Variants in CLCN2 observed in about 807,000 individuals in gnomAD.
The protein encoded by CLCN2 is chloride channel protein 2.
A neutral mutation model predicts 108.3 loss-of-function variants in CLCN2; 72 were observed. The observed-to-expected ratio is 0.66, with a 90% confidence interval of 0.55 to 0.81. The LOEUF (loss-of-function observed/expected upper bound fraction) is 0.81. Ranked by LOEUF, CLCN2 falls within the 30% of genes least tolerant of loss-of-function variation. CLCN2 has a pLI of 0.00. For synonymous variants in CLCN2, 471 were observed against 467.1 expected (o/e 1.01, Z -0.11); for missense variants, 1,048 against 1,205.2 (o/e 0.87, Z 1.93).
chr3:184,355,180 T>C lies in CLCN2; in HGVS notation c.1326+194A>G. ...TGGAAGCAGATGGCTTGGGTTCAGA[T>C]CATCGCTCTGCCCTCTAGCTGTGTG... On this transcript the variant is annotated intron_variant, in intron 12 of 23. Transcript: ENST00000265593. The surrounding 1 kb of genome is among the most constrained non-coding windows in gnomAD (Gnocchi z 6.3). 1 of 792,478 alleles carries C rather than the reference T, an allele frequency of 1.3e-6. No homozygotes were observed. Among genetic ancestry groups the C allele is most frequent in the Non-Finnish European group, 2.2e-6 (1 of 464,252 alleles). 49.1% of individuals were successfully genotyped at this position (792,478 alleles called of 1,614,324 possible).
intron 22 of CLCN2, chr3:184,349,159 C>CTA (rs1727913327): frequency 6.6e-6 from 1 of 152,180 alleles, no homozygotes; most frequent in Admixed American, 6.5e-5. Context: ...GCTCTTCTCT[C>CTA]ATTACAGTAT....
At chr3:184,352,590 G>T in intron 19 of CLCN2, 94 bp from the exon 20 acceptor site, 1 of 1,462,286 alleles carries the variant, frequency 6.8e-7, no homozygotes, top group Non-Finnish European at 9.5e-7. Context: ...AGGGGAAAGG[G>T]CACGCCACAG....
chr3:184,361,577 C>G lies in CLCN2; in HGVS notation c.-98G>C, dbSNP rs1712134245. The G allele has an allele frequency of 7.2e-7, 1 of 1,395,494 alleles. No individual in the cohort carries two copies. Among genetic ancestry groups the G allele is most frequent in the South Asian group, 1.2e-5 (1 of 82,962 alleles). The allele number at this position is 1,395,494 out of a possible 1,614,324, so 86.4% of individuals were successfully genotyped here. A position where few individuals can be genotyped will look rare whatever the true frequency, so the allele number is the denominator to read the frequency against. On this transcript the variant is annotated 5_prime_UTR_variant, in exon 1 of 24. Coordinates refer to ENST00000265593, the MANE Select transcript of CLCN2 (RefSeq NM_004366.6). The surrounding 1 kb of genome is among the most constrained non-coding windows in gnomAD (Gnocchi z 6.6). ...TCCGCGCCGGCAGCCGTCCCGTCCC[C>G]GCAGCCCGGGAGGCCGAGAGCAGAG... is the stretch of plus-strand genomic sequence containing the variant.
chr3:184,346,599 G>A lies in CLCN2; in HGVS notation c.*7C>T, dbSNP rs373901250. The A allele has an allele frequency of 3.0e-4, 481 of 1,613,832 alleles. 15 individuals carry two copies. The South Asian group carries it at 4.8e-3, about 16-fold the overall frequency. On this transcript the variant is annotated 3_prime_UTR_variant, in exon 24 of 24. Transcript: ENST00000265593. This position sits in a 1 kb window ranked among gnomAD's most constrained non-coding sequence, Gnocchi z 6.0. ...GCTAGCACCATCCTAGGCCACCCAC[G>A]AGGGGCTCATTGGCATTTGTCGTCG...
rs764567085 is a variant in CLCN2, at chr3:184,357,007, G to A, written c.1071C>T (p.Arg357=). ...QVMRKQKTIN[R]FLMRKRLLFP... ...GAGCCACTCACTTCCTCATGAGGAA[G>A]CGATTGATGGTTTTCTGCTTCCGCA... The change falls in exon 10 of 24, where the codon CGC becomes CGT. Residue 357 remains arginine (R), a synonymous_variant. Coordinates refer to ENST00000265593, the MANE Select transcript of CLCN2 (RefSeq NM_004366.6). 1.1e-5 allele frequency: 17 copies of A among 1,613,130 alleles called. No individual in the cohort carries two copies. The highest frequency in any genetic ancestry group is 1.8e-4 in the Middle Eastern group (1 of 5,700).
At position 184,358,716 on chromosome 3, in the gene CLCN2, C is replaced by G. The variant is rs1391497187; in HGVS notation, c.318G>C (p.Trp106Cys). The change falls in exon 3 of 24, where the codon TGG becomes TGC. Residue 106 changes from tryptophan to cysteine, a missense_variant. Transcript: ENST00000265593. ...AGGCAGCAATGGCATAGTCCATGAC[C>G]CAGCTGACCAATGCCATGAGAAGCC... ...LLGLLMALVS[W>C]VMDYAIAACL... The G allele has an allele frequency of 6.3e-7, 1 of 1,589,272 alleles. No homozygotes were observed. The highest frequency in any genetic ancestry group is 8.6e-7 in the Non-Finnish European group (1 of 1,166,686).
chr3:184,353,213 A>G (rs1728257911), intron 17 of CLCN2, 37 bp downstream of exon 17: 2 of 1,613,450 alleles, frequency 1.2e-6, no homozygotes, highest in East Asian at 4.5e-5. Context: ...AGTCTACACA[A>G]TGACATTTAG....
At position 184,347,266 on chromosome 3, in the gene CLCN2, G is replaced by A. The variant is rs1727745685; in HGVS notation, c.2416-245C>T. ...TATTGCTTACACTGACGGAGAAATA[G>A]GATGGGGGAGTAATTCTTAGTCCCA... On this transcript the variant is annotated intron_variant, in intron 22 of 23. Coordinates refer to ENST00000265593, the MANE Select transcript of CLCN2 (RefSeq NM_004366.6). 3 of 567,020 alleles carry A rather than the reference G, an allele frequency of 5.3e-6. No homozygotes were observed. In the East Asian group the frequency reaches 9.3e-5, roughly 18 times the overall value. The allele number at this position is 567,020 out of a possible 1,614,324, so 35.1% of individuals were successfully genotyped here.
At chr3:184,358,875 GC>G in intron 2 of CLCN2, 62 bp from the exon 3 acceptor site, 1 of 1,613,270 alleles carries the variant, frequency 6.2e-7, no homozygotes, top group African/African-American at 1.3e-5. Context: ...CCCTTTTACT[GC>G]CCCCTCAACT....
Position 184,361,555 on chromosome 3 carries a change from G to GCGCCGGCAGCCGTCCCGTCCC in CLCN2, c.-97_-77dup, listed in dbSNP as rs1712130996. 1 of 1,529,550 alleles carries GCGCCGGCAGCCGTCCCGTCCC rather than the reference G, an allele frequency of 6.5e-7. No individual in the cohort carries two copies. The highest frequency in any genetic ancestry group is 1.4e-5 in the African/African-American group (1 of 73,184). The allele number at this position is 1,529,550 out of a possible 1,614,324, so 94.7% of individuals were successfully genotyped here. A position where few individuals can be genotyped will look rare whatever the true frequency, so the allele number is the denominator to read the frequency against. On this transcript the variant is annotated 5_prime_UTR_variant, in exon 1 of 24. Coordinates refer to ENST00000265593, the MANE Select transcript of CLCN2 (RefSeq NM_004366.6). This position sits in a 1 kb window ranked among gnomAD's most constrained non-coding sequence, Gnocchi z 6.6. ...ACTCGGCTCCCGGCCCGCAAAGTCC[G>GCGCCGGCAGCCGTCCCGTCCC]CGCCGGCAGCCGTCCCGTCCCCGCA...
At chr3:184,351,354 G>A (rs2108559983) in intron 22 of CLCN2, among the ~76,000 whole-genome samples, 1 of 152,278 alleles carries the variant, frequency 6.6e-6, no homozygotes, top group Non-Finnish European at 1.5e-5. Flanking sequence ...AGTCCTGGAC[G>A]CAGAGAGCTC....
chr3:184,347,107 G>T (rs529487966), intron 22 of CLCN2, 86 bp from the exon 23 acceptor site: 6 of 1,142,580 alleles, frequency 5.3e-6, no homozygotes, highest in African/African-American at 4.6e-5. Flanking sequence ...GACAAGGTTG[G>T]TGTGGAATAG....
rs1711517379 is a variant in CLCN2, at chr3:184,357,864, G to T, written c.616-8C>A. ...GATATGCACAAAAGGGCCCTGCGGG[G>T]TGGGGCAGGCGGTGAGTCGGGAGGG... is the stretch of plus-strand genomic sequence containing the variant. On this transcript the variant is annotated splice_region_variant and splice_polypyrimidine_tract_variant and intron_variant, in intron 5 of 23. Coordinates refer to ENST00000265593, the MANE Select transcript of CLCN2 (RefSeq NM_004366.6). 1.9e-6 allele frequency: 3 copies of T among 1,613,682 alleles called. No homozygotes were observed. Among genetic ancestry groups the T allele is most frequent in the African/African-American group, 1.3e-5 (1 of 74,952 alleles).
intron 10 of CLCN2, chr3:184,356,789 G>A (rs866073501): frequency 3.5e-5 from 21 of 596,982 alleles, no homozygotes; most frequent in Middle Eastern, 8.9e-4. Context: ...GTCCTCTACC[G>A]CTGACTATAA....
chr3:184,346,702 C>T lies in CLCN2; in HGVS notation c.2601G>A (p.Thr867=), dbSNP rs774151184. The change falls in exon 24 of 24, where the codon ACG becomes ACA. Residue 867 remains threonine (T), a synonymous_variant. Coordinates refer to ENST00000265593, the MANE Select transcript of CLCN2 (RefSeq NM_004366.6). The surrounding 1 kb of genome is among the most constrained non-coding windows in gnomAD (Gnocchi z 6.0). The part of the protein sequence containing the change: ...FRDSATSSSD[T]ETTEVHALWG... ...AGAGTGCATGCACCTCAGTGGTCTC[C>T]GTGTCACTGCTGCTGGTGGCACTGT... is the stretch of plus-strand genomic sequence containing the variant. 8.7e-6 allele frequency: 14 copies of T among 1,614,050 alleles called. No individual in the cohort carries two copies. Among genetic ancestry groups the T allele is most frequent in the East Asian group, 2.2e-5 (1 of 44,892 alleles).
Position 184,358,975 on chromosome 3 carries a change from C to G in CLCN2, c.220G>C (p.Val74Leu). ...CCCCTGCCCCCACCCCAGTTCTCAC[C>G]GCGGCATCGGGCGCAACGGCTCCGT... ...YGRSRCARCR[V>L]CSVRCHKFLV... The change falls in exon 2 of 24, where the codon GTC becomes CTC. Residue 74 changes from valine (V) to leucine (L), a missense_variant and splice_region_variant. Physicochemically the swap from Val to Leu is conservative, Grantham distance 32. Coordinates refer to ENST00000265593, the MANE Select transcript of CLCN2 (RefSeq NM_004366.6). The G allele has an allele frequency of 1.9e-6, 3 of 1,613,526 alleles. No individual in the cohort carries two copies. The highest frequency in any genetic ancestry group is 2.5e-6 in the Non-Finnish European group (3 of 1,179,982).
chr3:184,357,860 C>T lies in CLCN2; in HGVS notation c.616-4G>A, dbSNP rs144112796. The T allele has an allele frequency of 2.7e-5, 44 of 1,613,760 alleles. No homozygotes were observed. Among genetic ancestry groups the T allele is most frequent in the South Asian group, 2.3e-4 (21 of 91,090 alleles). On this transcript the variant is annotated splice_region_variant and splice_polypyrimidine_tract_variant and intron_variant, in intron 5 of 23. Transcript: ENST00000265593. ...TTGCGATATGCACAAAAGGGCCCTG[C>T]GGGGTGGGGCAGGCGGTGAGTCGGG... is the stretch of plus-strand genomic sequence containing the variant.
rs1728365478 is a variant in CLCN2 at position 184,354,315 on chromosome 3, C to A, written c.1508-1G>T. 6.2e-7 allele frequency: 1 copy of A among 1,612,840 alleles called. No homozygotes were observed. Among genetic ancestry groups the A allele is most frequent in the African/African-American group, 1.3e-5 (1 of 74,840 alleles). On this transcript the variant is annotated splice_acceptor_variant, in intron 14 of 23. Transcript: ENST00000265593. LOFTEE classifies it high-confidence loss of function. The stretch of plus-strand genomic sequence containing the variant: ...ACCGCTCCTGCCAGCGCAGCTGCCC[C>A]TGGGGACAGTCACACTCAGTCTCCT...
In CLCN2 at chr3:184,352,323, C is replaced by T. The variant is rs148737625; in HGVS notation, c.2280G>A (p.Ala760=). 163 of 1,613,536 alleles carry T rather than the reference C, an allele frequency of 1.0e-4. No homozygotes were observed. The highest frequency in any genetic ancestry group is 1.7e-4 in the Middle Eastern group (1 of 5,846). ...KRVRISLASD[A]DLEGEMSPEE... ...CAGGGCTCATCTCGCCTTCCAGGTCCGCGTCACTCTAGTAGAGAGGGAGGG... is the reference window on the plus strand; with the variant it reads ...CAGGGCTCATCTCGCCTTCCAGGTCTGCGTCACTCTAGTAGAGAGGGAGGG... Residue 760 remains alanine (A), a synonymous_variant, in exon 21 of 24, where the codon GCG becomes GCA. Transcript: ENST00000265593.
Sources: gnomAD v4.1 joint callset for allele counts (sites outside exome capture counted in the v4.1 genomes callset) on GRCh38, gnomAD v4.1.1 for gene constraint, Gnocchi (gnomAD v3.1) non-coding constraint, MANE v1.5 for transcripts, NCBI Gene and HGNC (gene_info 2026-07-23, HGNC 2026-07-21) for gene names.